COL1A1: variants seen among roughly 807,000 people sequenced by gnomAD.
The protein encoded by COL1A1 is collagen type I alpha 1 chain.
In COL1A1, 21 loss-of-function variants were observed where a neutral mutation model predicts 195.7. The ratio of observed to expected loss-of-function variants is 0.11; its 90% confidence interval spans 0.08 to 0.15. The LOEUF is 0.15. COL1A1 is among the 10% of genes least tolerant of loss of function. The probability of loss-of-function intolerance (pLI) is 1.00; values close to 1 mark genes in which losing one functional copy is unlikely to be tolerated. For synonymous variants in COL1A1, 749 were observed against 747.3 expected, an observed-to-expected ratio of 1.00 and a Z score of -0.04; for missense variants, 1,365 against 2,051.0, an observed-to-expected ratio of 0.67 and a Z score of 6.46.
rs1598286508 is a variant in COL1A1, at chr17:50,187,466, A to G, written c.3423+18T>C. ...TGGGCTTGGGGCTCAGGAAGAGGAG[A>G]GAGAAGGCATGACTTACTCGGGGAC... On this transcript the variant is annotated intron_variant, in intron 46 of 50. Coordinates refer to ENST00000225964, the MANE Select transcript of COL1A1 (RefSeq NM_000088.4). The G allele has an allele frequency of 6.2e-7, 1 of 1,613,774 alleles. No homozygotes were observed. Among genetic ancestry groups the G allele is most frequent in the Non-Finnish European group, 8.5e-7 (1 of 1,179,854 alleles).
Position 50,189,355 on chromosome 17 carries a change from A to G in COL1A1, c.2829+22T>C, listed in dbSNP as rs1906862039. On this transcript the variant is annotated intron_variant, in intron 39 of 50. Transcript: ENST00000225964. This position sits in a 1 kb window ranked among gnomAD's most constrained non-coding sequence, Gnocchi z 5.5. ...CAGCTCTGCACACCTCCGGAGCTGC[A>G]GAGATCTGAGCTGGCACTTACAGCA... The G allele has an allele frequency of 6.2e-7, 1 of 1,613,746 alleles. No individual in the cohort carries two copies.
In COL1A1 at chr17:50,198,643, G is replaced by GC. The variant is rs5820805; in HGVS notation, c.472-140dup. On this transcript the variant is annotated intron_variant, in intron 5 of 50. Coordinates refer to ENST00000225964, the MANE Select transcript of COL1A1 (RefSeq NM_000088.4). ...ATAACATTGCTTTTAAGACATTCCT[G>GC]CAAAGATGCATCCCTGCATCTAATC... 1 allele frequency: 737,894 copies of GC among 738,162 alleles called. 368,814 individuals carry two copies. The highest frequency in any genetic ancestry group is 1 in the Middle Eastern group (3,978 of 3,978). 45.7% of individuals were successfully genotyped at this position (738,162 alleles called of 1,614,324 possible). A position where few individuals can be genotyped will look rare whatever the true frequency, so the allele number is the denominator to read the frequency against.
In COL1A1 at chr17:50,194,946, C is replaced by G; in HGVS notation, c.1353+101G>C. Reference sequence around the variant, plus strand: ...GGTTCCTGGGGGTGTGGCAGGGACTCCCCCAGAAGACTAGGGGCTCCTCTT... The same window carrying G: ...GGTTCCTGGGGGTGTGGCAGGGACTGCCCCAGAAGACTAGGGGCTCCTCTT... On this transcript the variant is annotated intron_variant, in intron 20 of 50. Coordinates refer to ENST00000225964, the MANE Select transcript of COL1A1 (RefSeq NM_000088.4). This position sits in a 1 kb window ranked among gnomAD's most constrained non-coding sequence, Gnocchi z 6.8. 1 of 1,476,402 alleles carries G rather than the reference C, an allele frequency of 6.8e-7. No individual in the cohort carries two copies. The highest frequency in any genetic ancestry group is 9.4e-7 in the Non-Finnish European group (1 of 1,061,644). 91.5% of individuals were successfully genotyped at this position (1,476,402 alleles called of 1,614,324 possible).
chr17:50,198,590 C>T, intron 5 of COL1A1, 86 bp from the exon 6 acceptor site: 2 of 1,041,086 alleles, frequency 1.9e-6, no homozygotes, highest in Non-Finnish European at 2.9e-6. Flanking sequence ...TGACATCATG[C>T]ACTTCCTGGT....
At chr17:50,193,360 A>T (rs1300053150) in intron 25 of COL1A1, 1 of 500,438 alleles carries the variant, frequency 2.0e-6, no homozygotes, top group Non-Finnish European at 3.6e-6. Context: ...GGTGCCTATC[A>T]TATCAAAGGC....
In COL1A1 at chr17:50,187,976, T is replaced by G. The variant is rs1906705094; in HGVS notation, c.3269A>C (p.Gln1090Pro). Residue 1090 changes from glutamine to proline, a missense_variant, in exon 45 of 51, where the codon CAA becomes CCA. By Grantham distance (76) the Gln-to-Pro change is moderately conservative. Around this residue, in one of 5 missense-constraint regions of COL1A1, gnomAD observed 671 missense variants for 1,099.9 expected, o/e 0.61. Transcript: ENST00000225964. Reference sequence around the variant, plus strand: ...CTCACCCTTGTCACCACGGGGGCCTTGGGGTCCCTAGAAGAGAGAAAGGGA... The same window carrying G: ...CTCACCCTTGTCACCACGGGGGCCTGGGGGTCCCTAGAAGAGAGAAAGGGA... ...PVGARGPAGP[Q>P]GPRGDKGETG... is the part of the protein sequence containing the mutation. 6.2e-7 allele frequency: 1 copy of G among 1,614,036 alleles called. No individual in the cohort carries two copies. The highest frequency in any genetic ancestry group is 8.5e-7 in the Non-Finnish European group (1 of 1,179,980).
At position 50,189,354 on chromosome 17, in the gene COL1A1, C is replaced by T. The variant is rs1449099966; in HGVS notation, c.2829+23G>A. ...CCAGCTCTGCACACCTCCGGAGCTG[C>T]AGAGATCTGAGCTGGCACTTACAGC... On this transcript the variant is annotated intron_variant, in intron 39 of 50. Transcript: ENST00000225964. This position sits in a 1 kb window ranked among gnomAD's most constrained non-coding sequence, Gnocchi z 5.5. 6.2e-7 allele frequency: 1 copy of T among 1,613,836 alleles called. No homozygotes were observed. The highest frequency in any genetic ancestry group is 8.5e-7 in the Non-Finnish European group (1 of 1,179,974).
Position 50,185,254 on chromosome 17 carries a change from A to ATGC in COL1A1, c.*247_*248insGCA. The ATGC allele has an allele frequency of 3.8e-6, 1 of 265,462 alleles. No individual in the cohort carries two copies. Among genetic ancestry groups the ATGC allele is most frequent in the Non-Finnish European group, 6.2e-6 (1 of 160,216 alleles). The allele number at this position is 265,462 out of a possible 1,614,324, so 16.4% of individuals were successfully genotyped here. On this transcript the variant is annotated 3_prime_UTR_variant, in exon 51 of 51. Coordinates refer to ENST00000225964, the MANE Select transcript of COL1A1 (RefSeq NM_000088.4). ...TCCTTTTTTAAAAAGTTATTTATTT[A>ATGC]TTCTTTTTTTTTTTTTTTTTTTGGT... is the stretch of plus-strand genomic sequence containing the variant.
Position 50,185,844 on chromosome 17 carries a change from G to T in COL1A1, c.4182C>A (p.Asn1394Lys), listed in dbSNP as rs755763693. 1.9e-6 allele frequency: 3 copies of T among 1,614,058 alleles called. No individual in the cohort carries two copies. Among genetic ancestry groups the T allele is most frequent in the Non-Finnish European group, 2.5e-6 (3 of 1,180,040 alleles). Residue 1394 changes from asparagine to lysine, a missense_variant, in exon 50 of 51, where the codon AAC becomes AAA. By Grantham distance (94) the Asn-to-Lys change is moderately conservative (BLOSUM62 0). Transcript: ENST00000225964. ...LKKALLLQGS[N>K]EIEIRAEGNS... ...TGCCCTCGGCGCGGATCTCGATCTC[G>T]TTGGAGCCCTGGAGGAGCAGGGCCT...
At position 50,197,733 on chromosome 17, in the gene COL1A1, T is replaced by C; in HGVS notation, c.695A>G (p.Asp232Gly). Residue 232 changes from aspartate to glycine, a missense_variant and splice_region_variant, in exon 9 of 51, where the codon GAT becomes GGT. Asp to Gly is a moderately conservative substitution (Grantham distance 94). Coordinates refer to ENST00000225964, the MANE Select transcript of COL1A1 (RefSeq NM_000088.4). ...TATCTTCTTGCTGGGGATACTTACA[T>C]CATCTCCATTCTTTCCAGGGGGACC... The part of the protein sequence containing the change: ...PPGPPGKNGD[D>G]GEAGKPGRPG... The C allele has an allele frequency of 6.3e-7, 1 of 1,587,778 alleles. No individual in the cohort carries two copies. Among genetic ancestry groups the C allele is most frequent in the South Asian group, 1.2e-5 (1 of 86,830 alleles).
Position 50,186,047 on chromosome 17 carries a change from G to C in COL1A1, c.4006-27C>G. On this transcript the variant is annotated intron_variant, in intron 49 of 50. Transcript: ENST00000225964. The surrounding 1 kb of genome is among the most constrained non-coding windows in gnomAD (Gnocchi z 5.3). ...TGCAGGGGAGGGGAGAGAGGGAAGA[G>C]TGAGCCGCTATGCGGGAACCTCTAG... The C allele has an allele frequency of 6.2e-7, 1 of 1,610,182 alleles. No individual in the cohort carries two copies. Among genetic ancestry groups the C allele is most frequent in the Non-Finnish European group, 8.5e-7 (1 of 1,179,862 alleles).
Position 50,199,934 on chromosome 17 carries a change from G to A in COL1A1, c.117C>T (p.Thr39=), listed in dbSNP as rs1907938421. 6.2e-7 allele frequency: 1 copy of A among 1,614,070 alleles called. No individual in the cohort carries two copies. The highest frequency in any genetic ancestry group is 1.1e-5 in the South Asian group (1 of 91,084). ...GGTACCTGAGGCCGTTCTGTACGCA[G>A]GTGATTGGTGGGACTGGGACAGGCG... ...EGQDEDIPPI[T]CVQNGLRYHD... is the part of the protein sequence containing the mutation. Residue 39 remains threonine, a synonymous_variant, in exon 2 of 51, where the codon ACC becomes ACT. Coordinates refer to ENST00000225964, the MANE Select transcript of COL1A1 (RefSeq NM_000088.4).
At chr17:50,185,673 AG>A in intron 50 of COL1A1, 25 bp from the exon 51 acceptor site, 1 of 1,612,412 alleles carries the variant, frequency 6.2e-7, no homozygotes, top group Non-Finnish European at 8.5e-7. Context: ...AGACAACGGG[AG>A]GGGGCATTAC....
intron 1 of COL1A1, 95 bp downstream of exon 1, chr17:50,201,315 CG>C (rs1282698905): frequency 1.8e-6 from 2 of 1,128,442 alleles, no homozygotes; most frequent in Admixed American, 2.0e-5. Flanking sequence ...CCCGAGTCTC[CG>C]GATCATCCAC....
In COL1A1 at chr17:50,199,732, AGG is replaced by A; in HGVS notation, c.298+19_298+20del. The A allele has an allele frequency of 1.2e-6, 1 of 841,994 alleles. No homozygotes were observed. Among genetic ancestry groups the A allele is most frequent in the Non-Finnish European group, 1.7e-6 (1 of 579,992 alleles). The allele number at this position is 841,994 out of a possible 1,614,324, so 52.2% of individuals were successfully genotyped here. A position where few individuals can be genotyped will look rare whatever the true frequency, so the allele number is the denominator to read the frequency against. ...CCCCAGGCCCCAGGCCCCAGGCCCC[AGG>A]CCCCGAGCGCAGCCGCACCTGAGCC... On this transcript the variant is annotated intron_variant, in intron 2 of 50. Coordinates refer to ENST00000225964, the MANE Select transcript of COL1A1 (RefSeq NM_000088.4).
At position 50,186,152 on chromosome 17, in the gene COL1A1, A is replaced by G. The variant is rs1008297959; in HGVS notation, c.4006-132T>C. ...TATCGAGAGGAGGCACCACCTGCCC[A>G]TCGGCAGCCTGTGTCTGAACCACTA... On this transcript the variant is annotated intron_variant, in intron 49 of 50. Transcript: ENST00000225964. The surrounding 1 kb of genome is among the most constrained non-coding windows in gnomAD (Gnocchi z 5.3). 1 of 1,520,540 alleles carries G rather than the reference A, an allele frequency of 6.6e-7. No individual in the cohort carries two copies. The highest frequency in any genetic ancestry group is 1.4e-5 in the African/African-American group (1 of 73,018). The allele number at this position is 1,520,540 out of a possible 1,614,324, so 94.2% of individuals were successfully genotyped here. A position where few individuals can be genotyped will look rare whatever the true frequency, so the allele number is the denominator to read the frequency against.
At position 50,194,145 on chromosome 17, in the gene COL1A1, G is replaced by A; in HGVS notation, c.1653C>T (p.Gly551=). 6.2e-7 allele frequency: 1 copy of A among 1,613,810 alleles called. No homozygotes were observed. Among genetic ancestry groups the A allele is most frequent in the Non-Finnish European group, 8.5e-7 (1 of 1,179,924 alleles). ...TGATACTTACAGGGGGGCCAGTTTT[G>A]CCATCAGGACCAGGGCTGCCAGGGC... ...TGSPGSPGPD[G]KTGPPGPAGQ... The change falls in exon 24 of 51, where the codon GGC becomes GGT. Residue 551 remains glycine, a synonymous_variant. Transcript: ENST00000225964. The surrounding 1 kb of genome is among the most constrained non-coding windows in gnomAD (Gnocchi z 6.8).
rs1245518185 is a variant in COL1A1, at chr17:50,194,539, C to G, written c.1515+34G>C. ...GAGGAAGAAGATGCCCAGGGAGCGGCAGGGTCAGCCCCCCGGCCGCAAGGA... is the reference window on the plus strand; with the variant it reads ...GAGGAAGAAGATGCCCAGGGAGCGGGAGGGTCAGCCCCCCGGCCGCAAGGA... On this transcript the variant is annotated intron_variant, in intron 22 of 50. Transcript: ENST00000225964. The surrounding 1 kb of genome is among the most constrained non-coding windows in gnomAD (Gnocchi z 6.8). 11 of 1,608,510 alleles carry G rather than the reference C, an allele frequency of 6.8e-6. No homozygotes were observed. Among genetic ancestry groups the G allele is most frequent in the Middle Eastern group, 3.3e-4 (2 of 6,056 alleles).
rs754017100 is a variant in COL1A1, at chr17:50,188,098, C to T, written c.3259G>A (p.Ala1087Thr). Residue 1087 changes from alanine to threonine, a missense_variant and splice_region_variant, in exon 44 of 51, where the codon GCC becomes ACC. This residue lies in a region of COL1A1 where 671 missense variants were observed against 1,099.9 expected (regional missense o/e 0.61). Transcript: ENST00000225964. This position sits in a 1 kb window ranked among gnomAD's most constrained non-coding sequence, Gnocchi z 5.6. The stretch of plus-strand genomic sequence containing the variant: ...GGGGGACACAGCAGGGTACTTACGG[C>T]GGGGCCACGGGCGCCAACAGGGCCG... ...PVGPVGARGP[A>T]GPQGPRGDKG... 7.5e-6 allele frequency: 12 copies of T among 1,596,278 alleles called. No individual in the cohort carries two copies. The highest frequency in any genetic ancestry group is 2.7e-5 in the African/African-American group (2 of 74,454).
Sources: allele counts gnomAD v4.1 joint callset, GRCh38; gene constraint gnomAD v4.1.1; regional missense constraint gnomAD v4.1.1; non-coding constraint Gnocchi (gnomAD v3.1); transcripts MANE v1.5; gene names NCBI Gene and HGNC (gene_info 2026-07-23, HGNC 2026-07-21).